Variants in DOK6 observed in about 807,000 individuals in gnomAD.
DOK6 encodes downstream of tyrosine kinase 6.
A neutral mutation model predicts 44.0 loss-of-function variants in DOK6; 22 were observed. The ratio of observed to expected loss-of-function variants is 0.50; its 90% confidence interval spans 0.36 to 0.71. The LOEUF is 0.71. Ranked by LOEUF, DOK6 falls within the 30% of genes least tolerant of loss-of-function variation. DOK6 has a pLI of 0.00. For synonymous variants in DOK6, 166 were observed against 145.5 expected, an observed-to-expected ratio of 1.14 and a Z score of -1.01; for missense variants, 340 against 416.4, an observed-to-expected ratio of 0.82 and a Z score of 1.60.
At chr18:69,491,464 C>T (rs577272431) in intron 1 of DOK6, among the ~76,000 whole-genome samples, 4 of 152,228 alleles carry the variant, frequency 2.6e-5, no homozygotes, top group South Asian at 4.1e-4. Flanking sequence ...TTCCTTCTAG[C>T]GAACATAGTT....
At chr18:69,736,970 G>A (rs1021505809) in intron 5 of DOK6, among the ~76,000 whole-genome samples, 18 of 152,212 alleles carry the variant, frequency 1.2e-4, no homozygotes, top group Non-Finnish European at 1.5e-4. Context: ...AGATGCTACT[G>A]ATCCGTGGAC....
chr18:69,404,537 A>T (rs908156333), intron 1 of DOK6, among the ~76,000 whole-genome samples: 1 of 152,212 alleles, frequency 6.6e-6, no homozygotes, highest in Admixed American at 6.5e-5. Flanking sequence ...CATCACCATC[A>T]TCACAGTCAT....
At chr18:69,764,175 A>G (rs1979647050) in intron 7 of DOK6, among the ~76,000 whole-genome samples, 2 of 151,986 alleles carry the variant, frequency 1.3e-5, no homozygotes, top group African/African-American at 4.8e-5. Flanking sequence ...ATGGCTCAAA[A>G]TCCGTCTCTC....
At chr18:69,509,548 G>A (rs888372121) in intron 1 of DOK6, among the ~76,000 whole-genome samples, 1 of 143,888 alleles carries the variant, frequency 6.9e-6, no homozygotes, top group Non-Finnish European at 1.5e-5. Flanking sequence ...CGAGGCAGGA[G>A]AATGGCGTGA....
chr18:69,429,825 G>GTTTT (rs1424025534), intron 1 of DOK6, among the ~76,000 whole-genome samples: 13 of 151,628 alleles, frequency 8.6e-5, no homozygotes, highest in African/African-American at 3.1e-4. Flanking sequence ...TCATTTAGAT[G>GTTTT]CACAGTATAA....
intron 1 of DOK6, among the ~76,000 whole-genome samples, chr18:69,494,136 G>C (rs1047387474): frequency 5.3e-5 from 8 of 152,158 alleles, no homozygotes; most frequent in African/African-American, 1.9e-4. Context: ...TTTCAGATTA[G>C]TGCTTCTTTC....
intron 1 of DOK6, among the ~76,000 whole-genome samples, chr18:69,455,844 T>C (rs1311531493): frequency 6.6e-6 from 1 of 152,218 alleles, no homozygotes; most frequent in Non-Finnish European, 1.5e-5. Context: ...CAATTTGGAC[T>C]CATTTACCTT....
chr18:69,812,195 C>T (rs1414145916), intron 7 of DOK6, among the ~76,000 whole-genome samples: 2 of 152,108 alleles, frequency 1.3e-5, no homozygotes, highest in Non-Finnish European at 2.9e-5. Context: ...GAGACCCTCT[C>T]TGTAAAAGTA....
chr18:69,531,735 C>T (rs1037767381), intron 1 of DOK6, among the ~76,000 whole-genome samples: 1 of 152,078 alleles, frequency 6.6e-6, no homozygotes, highest in Non-Finnish European at 1.5e-5. Flanking sequence ...TTACTGAGGC[C>T]ATAATATTTT....
At chr18:69,656,372 G>A (rs1349359818) in intron 3 of DOK6, among the ~76,000 whole-genome samples, 1 of 152,198 alleles carries the variant, frequency 6.6e-6, no homozygotes, top group Non-Finnish European at 1.5e-5. Flanking sequence ...AAAGGAGGAA[G>A]ATGCAAATCA....
At chr18:69,548,134 T>C (rs190688274) in intron 1 of DOK6, among the ~76,000 whole-genome samples, 7 of 150,520 alleles carry the variant, frequency 4.7e-5, no homozygotes, top group Non-Finnish European at 8.9e-5. Context: ...TTTGTATTTT[T>C]AGTAGAGACG....
At chr18:69,474,496 C>T (rs949875919) in intron 1 of DOK6, among the ~76,000 whole-genome samples, 1 of 152,038 alleles carries the variant, frequency 6.6e-6, no homozygotes, top group Admixed American at 6.6e-5. Flanking sequence ...ATATGTGCTT[C>T]GATCTTTAAA....
At chr18:69,478,402 C>T (rs1568270896) in intron 1 of DOK6, among the ~76,000 whole-genome samples, 1 of 152,108 alleles carries the variant, frequency 6.6e-6, no homozygotes, top group East Asian at 1.9e-4. Flanking sequence ...CTCCCCTCCC[C>T]TTCCTTCTCC....
intron 3 of DOK6, among the ~76,000 whole-genome samples, chr18:69,645,428 T>G (rs1004853203): frequency 6.6e-6 from 1 of 152,182 alleles, no homozygotes; most frequent in African/African-American, 2.4e-5. Context: ...TTCAATATAA[T>G]ACACACAGTG....
intron 7 of DOK6, among the ~76,000 whole-genome samples, chr18:69,830,546 C>T (rs1599349437): frequency 1.3e-5 from 2 of 152,162 alleles, no homozygotes; most frequent in East Asian, 3.9e-4. Context: ...CCTGCCAACA[C>T]CTTGATCTTG....
intron 1 of DOK6, among the ~76,000 whole-genome samples, chr18:69,499,588 G>A (rs928638112): frequency 6.6e-6 from 1 of 152,076 alleles, no homozygotes; most frequent in Admixed American, 6.6e-5. Context: ...TCTATTTCAT[G>A]TAAATATAAT....
At chr18:69,710,008 T>C (rs1263902294) in intron 5 of DOK6, among the ~76,000 whole-genome samples, 1 of 152,116 alleles carries the variant, frequency 6.6e-6, no homozygotes, top group Non-Finnish European at 1.5e-5. Context: ...TGAGACTGCT[T>C]CTCTACTAAA....
intron 6 of DOK6, among the ~76,000 whole-genome samples, chr18:69,747,978 G>T (rs148716882): frequency 6.6e-6 from 1 of 152,144 alleles, no homozygotes; most frequent in East Asian, 1.9e-4. Flanking sequence ...TCACCAAGAA[G>T]CCCAGATTAA....
At chr18:69,705,610 G>T (rs898068663) in intron 5 of DOK6, among the ~76,000 whole-genome samples, 10 of 152,154 alleles carry the variant, frequency 6.6e-5, no homozygotes, top group Non-Finnish European at 1.3e-4. Flanking sequence ...AGCAATAATT[G>T]TGGAGATTAC....
Sources: allele counts gnomAD v4.1 joint callset (sites outside exome capture counted in the v4.1 genomes callset), GRCh38; gene constraint gnomAD v4.1.1; transcripts MANE v1.5; gene names NCBI Gene and HGNC (gene_info 2026-07-23, HGNC 2026-07-21).